The following DARS1 variants were observed in gnomAD, a reference collection of about 807,000 sequenced individuals.
DARS1 encodes aspartate--tRNA ligase, cytoplasmic.
Under a neutral mutation model 68.8 loss-of-function variants are expected in DARS1, and 51 were observed. The ratio of observed to expected loss-of-function variants is 0.74; its 90% confidence interval spans 0.59 to 0.94. The LOEUF (loss-of-function observed/expected upper bound fraction) is 0.94, where lower values mean the gene tolerates loss of function less well. DARS1 is among the 40% of genes least tolerant of loss of function. DARS1 has a pLI of 0.00. For synonymous variants in DARS1, 203 were observed against 190.4 expected, an observed-to-expected ratio of 1.07 and a Z score of -0.55; for missense variants, 607 against 597.3, an observed-to-expected ratio of 1.02 and a Z score of -0.17.
intron 3 of DARS1, among the ~76,000 whole-genome samples, chr2:135,962,089 T>C (rs552020954): frequency 1.3e-5 from 2 of 152,342 alleles, no homozygotes; most frequent in South Asian, 2.1e-4. Flanking sequence ...TAGTCCTTCA[T>C]ATTTTATGAG....
Position 135,922,828 on chromosome 2 carries a change from A to G in DARS1, c.767T>C (p.Met256Thr), listed in dbSNP as rs1215736567. ...LAQSPQLYKQ[M>T]CICADFEKVF... ...CTTCTCAAAATCAGCACAAATGCAC[A>G]TTTGCTTATATAGCTGTGGGGACTG... The change falls in exon 9 of 16, where the codon ATG becomes ACG. Residue 256 changes from methionine (M) to threonine (T), a missense_variant. Coordinates refer to ENST00000264161, the MANE Select transcript of DARS1 (RefSeq NM_001349.4). The G allele has an allele frequency of 6.3e-7, 1 of 1,590,760 alleles. No individual in the cohort carries two copies. The highest frequency in any genetic ancestry group is 8.5e-7 in the Non-Finnish European group (1 of 1,170,250).
At chr2:135,932,307 C>T (rs1369721208) in intron 7 of DARS1, among the ~76,000 whole-genome samples, 1 of 152,218 alleles carries the variant, frequency 6.6e-6, no homozygotes, top group African/African-American at 2.4e-5. Flanking sequence ...AAACAGAAGA[C>T]CCATGAGACT....
chr2:135,932,599 C>T (rs1415649948), intron 7 of DARS1, among the ~76,000 whole-genome samples, 184 bp downstream of exon 7: 2 of 152,008 alleles, frequency 1.3e-5, no homozygotes, highest in African/African-American at 4.8e-5. Flanking sequence ...AGTATTTAAC[C>T]GCTCCTGTTG....
intron 7 of DARS1, among the ~76,000 whole-genome samples, chr2:135,924,839 G>A (rs1281214323): frequency 6.6e-6 from 1 of 152,070 alleles, no homozygotes; most frequent in Admixed American, 6.5e-5. Flanking sequence ...AACCCATAAA[G>A]TGAGACATAG....
chr2:135,940,849 C>A (rs1013903881), intron 5 of DARS1, among the ~76,000 whole-genome samples: 16 of 152,028 alleles, frequency 1.1e-4, no homozygotes, highest in African/African-American at 3.6e-4. Flanking sequence ...AATCACAAGC[C>A]TTCCTATACA....
Position 135,906,793 on chromosome 2 carries a change from C to T in DARS1, c.*523G>A, listed in dbSNP as rs1680789560. On this transcript the variant is annotated 3_prime_UTR_variant, in exon 16 of 16. Coordinates refer to ENST00000264161, the MANE Select transcript of DARS1 (RefSeq NM_001349.4). ...AGCTTTACATAATTTCTAGGCATAA[C>T]TTTTAAGAACTGATACTTTCTGGTT... The T allele has an allele frequency of 6.6e-6, 1 of 152,204 alleles. No individual in the cohort carries two copies. The highest frequency in any genetic ancestry group is 2.4e-5 in the African/African-American group (1 of 41,438). 9.4% of individuals were successfully genotyped at this position (152,204 alleles called of 1,614,324 possible).
chr2:135,980,312 T>C (rs529522563), intron 2 of DARS1: 1 of 152,344 alleles, frequency 6.6e-6, no homozygotes, highest in African/African-American at 2.4e-5. Context: ...ATGCAATCAT[T>C]TGATTAGAGA....
At chr2:135,930,236 C>A (rs1199966144) in intron 7 of DARS1, among the ~76,000 whole-genome samples, 3 of 152,028 alleles carry the variant, frequency 2.0e-5, no homozygotes, top group Admixed American at 6.6e-5. Flanking sequence ...CCAAAATAGA[C>A]CTAAACATTC....
chr2:135,962,162 C>T lies in DARS1; in HGVS notation c.218-664G>A, dbSNP rs745318563. ...CTATTAAAGATCATTTTCTTCAAGC[C>T]CTATAACCAGTTTTATTTTTACATA... On this transcript the variant is annotated intron_variant, in intron 3 of 15. Coordinates refer to ENST00000264161, the MANE Select transcript of DARS1 (RefSeq NM_001349.4). Among the ~76,000 whole-genome samples, 210 of 152,054 alleles carry T rather than the reference C, an allele frequency of 1.4e-3. 3 individuals are homozygous for T. The highest frequency in any genetic ancestry group is 4.4e-4 in the Non-Finnish European group (30 of 68,018).
intron 15 of DARS1, 47 bp from the exon 16 acceptor site, chr2:135,907,454 A>C: frequency 7.5e-7 from 1 of 1,326,820 alleles, no homozygotes; most frequent in Non-Finnish European, 1.1e-6. Flanking sequence ...AAAATCTCTC[A>C]GGGTCTTACT....
intron 7 of DARS1, among the ~76,000 whole-genome samples, chr2:135,929,726 ATATGT>A (rs1676485954): frequency 6.6e-6 from 1 of 152,212 alleles, no homozygotes; most frequent in Admixed American, 6.5e-5. Flanking sequence ...AGTTTGGAAA[ATATGT>A]ATTGAAAGTA....
chr2:135,921,283 A>G (rs1681106263), intron 9 of DARS1, among the ~76,000 whole-genome samples: 1 of 151,720 alleles, frequency 6.6e-6, no homozygotes. Flanking sequence ...AAATGACCAA[A>G]AAAACCCTAA....
At chr2:135,985,259 C>G (rs1473916241) in intron 1 of DARS1, 144 bp downstream of exon 1, 5 of 1,362,216 alleles carry the variant, frequency 3.7e-6, no homozygotes, top group African/African-American at 1.5e-5. Context: ...GGGGCAAGGG[C>G]TCTAGGCGCC....
chr2:135,939,755 C>A (rs527539750), intron 5 of DARS1, among the ~76,000 whole-genome samples: 2 of 151,734 alleles, frequency 1.3e-5, no homozygotes, highest in Non-Finnish European at 2.9e-5. Flanking sequence ...ACTGACAGAC[C>A]GCTAGCAAGA....
upstream of DARS1, chr2:135,985,660 C>A: frequency 1.5e-6 from 2 of 1,377,734 alleles, no homozygotes; most frequent in South Asian, 3.0e-5. Flanking sequence ...GATCCCGGAG[C>A]GCTGGCGGCC....
intron 4 of DARS1, among the ~76,000 whole-genome samples, chr2:135,952,956 G>A (rs937964562): frequency 1.3e-5 from 2 of 152,114 alleles, no homozygotes; most frequent in Non-Finnish European, 2.9e-5. Flanking sequence ...CCGCCATACC[G>A]TTTTCCATAG....
rs1680778662 is a variant in DARS1 at position 135,906,316 on chromosome 2, G to C, written c.*1000C>G. On this transcript the variant is annotated 3_prime_UTR_variant, in exon 16 of 16. Coordinates refer to ENST00000264161, the MANE Select transcript of DARS1 (RefSeq NM_001349.4). ...AAAATTAACATTAGCATCAACATTT[G>C]TAATAATCTAGAGGGAAAGTGTTTC... 6.8e-6 allele frequency among the ~76,000 whole-genome samples: 1 copy of C among 146,742 alleles called. No individual in the cohort carries two copies. The highest frequency in any genetic ancestry group is 2.2e-4 in the South Asian group (1 of 4,456).
At chr2:135,975,886 T>C (rs760765368) in intron 3 of DARS1, among the ~76,000 whole-genome samples, 3 of 146,126 alleles carry the variant, frequency 2.1e-5, no homozygotes, top group African/African-American at 7.7e-5. Context: ...GAGGCAGAGG[T>C]TGCAATGAGC....
intron 3 of DARS1, among the ~76,000 whole-genome samples, chr2:135,964,102 G>C (rs530824609): frequency 6.6e-6 from 1 of 152,252 alleles, no homozygotes; most frequent in South Asian, 2.1e-4. Context: ...GAACACGAAC[G>C]TAAGTATTTG....
Sources: allele counts gnomAD v4.1 joint callset (sites outside exome capture counted in the v4.1 genomes callset), GRCh38; gene constraint gnomAD v4.1.1; transcripts MANE v1.5; gene names NCBI Gene and HGNC (gene_info 2026-07-23, HGNC 2026-07-21).